The following PTPRD variants were observed in gnomAD, a reference collection of about 807,000 sequenced individuals.
PTPRD encodes the protein receptor-type tyrosine-protein phosphatase delta.
In PTPRD, 34 loss-of-function variants were observed where a neutral mutation model predicts 214.5. The observed-to-expected ratio is 0.16, with a 90% CI of 0.12 to 0.21. PTPRD has a LOEUF of 0.21. Ranked by LOEUF, PTPRD falls within the 10% of genes least tolerant of loss-of-function variation. The pLI, the probability that PTPRD is intolerant of heterozygous loss-of-function variation, is 1.00. For synonymous variants in PTPRD, 1,128 were observed against 845.7 expected (o/e 1.33, Z -5.79); for missense variants, 2,545 against 2,398.7 (o/e 1.06, Z -1.27).
At chr9:10,469,107 A>C (rs2099013631) in intron 2 of PTPRD, among the ~76,000 whole-genome samples, 1 of 152,156 alleles carries the variant, frequency 6.6e-6, no homozygotes, top group African/African-American at 2.4e-5. Context: ...GCCTTTATTC[A>C]AATAGTATAC....
At chr9:8,989,211 T>C (rs1012818582) in intron 11 of PTPRD, among the ~76,000 whole-genome samples, 5 of 152,240 alleles carry the variant, frequency 3.3e-5, no homozygotes, top group Non-Finnish European at 5.9e-5. Context: ...CTTTTCTTTA[T>C]GTTGGAATCA....
intron 3 of PTPRD, among the ~76,000 whole-genome samples, chr9:10,186,056 G>A (rs942381899): frequency 6.6e-6 from 1 of 151,426 alleles, no homozygotes; most frequent in African/African-American, 2.4e-5. Context: ...ATGCACAGTG[G>A]TAGAAGATAA....
At chr9:10,136,364 G>T (rs1028218887) in intron 3 of PTPRD, among the ~76,000 whole-genome samples, 1 of 151,888 alleles carries the variant, frequency 6.6e-6, no homozygotes, top group East Asian at 1.9e-4. Flanking sequence ...ACTTAAACTC[G>T]ACACTTGACG....
At chr9:10,124,573 T>C in intron 3 of PTPRD, among the ~76,000 whole-genome samples, 1 of 152,204 alleles carries the variant, frequency 6.6e-6, no homozygotes, top group East Asian at 1.9e-4. Flanking sequence ...CTTAGACCTC[T>C]TTCTTATCAA....
At chr9:8,734,593 GC>G (rs1247908764) in intron 11 of PTPRD, among the ~76,000 whole-genome samples, 1 of 152,186 alleles carries the variant, frequency 6.6e-6, no homozygotes, top group East Asian at 1.9e-4. Flanking sequence ...TGCCTCCTGG[GC>G]AAGGGTTTAA....
At chr9:9,741,181 A>G (rs2098396634) in intron 6 of PTPRD, among the ~76,000 whole-genome samples, 1 of 152,208 alleles carries the variant, frequency 6.6e-6, no homozygotes, top group Admixed American at 6.5e-5. Flanking sequence ...TTTTCTGGGT[A>G]CATAGTTCTG....
chr9:8,602,491 T>A (rs1323640605), intron 14 of PTPRD, among the ~76,000 whole-genome samples: 1 of 152,208 alleles, frequency 6.6e-6, no homozygotes, highest in Non-Finnish European at 1.5e-5. Flanking sequence ...CATGAGATGA[T>A]GAATTCCCTA....
chr9:10,006,674 A>G (rs533323256), intron 4 of PTPRD, among the ~76,000 whole-genome samples: 1 of 152,112 alleles, frequency 6.6e-6, no homozygotes, highest in East Asian at 1.9e-4. Context: ...ACGAATAATC[A>G]GAGCCAATAT....
chr9:9,156,595 T>C (rs2099881388), intron 10 of PTPRD, among the ~76,000 whole-genome samples: 1 of 152,164 alleles, frequency 6.6e-6, no homozygotes, highest in South Asian at 2.1e-4. Flanking sequence ...TATAAATATA[T>C]GGCTGAGGAG....
At chr9:9,474,551 T>C (rs2094881727) in intron 8 of PTPRD, among the ~76,000 whole-genome samples, 1 of 152,118 alleles carries the variant, frequency 6.6e-6, no homozygotes, top group Admixed American at 6.5e-5. Flanking sequence ...ATTTTAAAAA[T>C]ATTAATTCTT....
At chr9:9,601,790 T>C (rs2093789033) in intron 7 of PTPRD, among the ~76,000 whole-genome samples, 3 of 152,002 alleles carry the variant, frequency 2.0e-5, no homozygotes, top group Admixed American at 2.0e-4. Context: ...GAGCAGACCA[T>C]AAACACTAAA....
chr9:10,433,550 T>C (rs542865549), intron 2 of PTPRD, among the ~76,000 whole-genome samples: 1 of 152,142 alleles, frequency 6.6e-6, no homozygotes, highest in Middle Eastern at 3.4e-3. Context: ...TATGCTCTTA[T>C]GTCATCTGTC....
At position 8,941,362 on chromosome 9, in the gene PTPRD, A is replaced by G. The variant is rs75649471; in HGVS notation, c.-104+77335T>C. 2.6e-5 allele frequency among the ~76,000 whole-genome samples: 4 copies of G among 152,276 alleles called. No individual in the cohort carries two copies. The East Asian group carries it at 7.7e-4, about 29-fold the overall frequency. On this transcript the variant is annotated intron_variant, in intron 11 of 45. Transcript: ENST00000381196. Reference sequence around the variant, plus strand: ...TTACACACGTATGTGAAATACACATATACACTATATATAATTTTGAATTGT... The same window carrying G: ...TTACACACGTATGTGAAATACACATGTACACTATATATAATTTTGAATTGT...
intron 12 of PTPRD, among the ~76,000 whole-genome samples, chr9:8,649,240 C>T (rs2096756130): frequency 6.6e-6 from 1 of 152,170 alleles, no homozygotes; most frequent in South Asian, 2.1e-4. Context: ...AGTAGTAAAC[C>T]AGTTCCACAA....
At position 8,446,116 on chromosome 9, in the gene PTPRD, G is replaced by A. The variant is rs550085466; in HGVS notation, c.3988+3609C>T. 2.6e-5 allele frequency among the ~76,000 whole-genome samples: 4 copies of A among 152,262 alleles called. No individual in the cohort carries two copies. The South Asian group carries it at 8.3e-4, about 32-fold the overall frequency. ...GATGGTTATACTGACAAAAAAGCAG[G>A]TTTCTCTGTCTTTTCTTTGTGCCTT... On this transcript the variant is annotated intron_variant, in intron 34 of 45. Coordinates refer to ENST00000381196, the MANE Select transcript of PTPRD (RefSeq NM_002839.4).
chr9:10,165,475 G>A (rs1335217657), intron 3 of PTPRD, among the ~76,000 whole-genome samples: 1 of 151,738 alleles, frequency 6.6e-6, no homozygotes, highest in African/African-American at 2.4e-5. Context: ...GTCAAACGTA[G>A]AAAAAATATT....
At chr9:8,489,385 AGGAGGATCTCAGTCTGCTCTCTATT>A (rs1343333078) in intron 27 of PTPRD, among the ~76,000 whole-genome samples, 3 of 152,218 alleles carry the variant, frequency 2.0e-5, no homozygotes, top group Admixed American at 6.5e-5. Flanking sequence ...CCTGCTGTAC[AGGAGGATCTCAGTCTGCTCTCTATT>A]GCCAAACCCA....
chr9:9,980,236 C>T (rs1051536922), intron 4 of PTPRD, among the ~76,000 whole-genome samples: 1 of 151,828 alleles, frequency 6.6e-6, no homozygotes, highest in East Asian at 1.9e-4. Flanking sequence ...AATATTAAAA[C>T]CAATGAGTGA....
At position 8,414,844 on chromosome 9, in the gene PTPRD, G is replaced by A. The variant is rs556499797; in HGVS notation, c.4087-10184C>T. Among the ~76,000 whole-genome samples, 12 of 147,186 alleles carry A rather than the reference G, an allele frequency of 8.2e-5. No individual in the cohort carries two copies. The South Asian group carries it at 1.1e-3, about 14-fold the overall frequency. ...CCATCAGTCAGGCATGTACATGTACGGGGAGGGAAGGCGTGCAGGGGAGCA... is the reference window on the plus strand; with the variant it reads ...CCATCAGTCAGGCATGTACATGTACAGGGAGGGAAGGCGTGCAGGGGAGCA... On this transcript the variant is annotated intron_variant, in intron 35 of 45. Coordinates refer to ENST00000381196, the MANE Select transcript of PTPRD (RefSeq NM_002839.4).
Sources: allele counts gnomAD v4.1 joint callset (sites outside exome capture counted in the v4.1 genomes callset), GRCh38; gene constraint gnomAD v4.1.1; transcripts MANE v1.5; gene names NCBI Gene and HGNC (gene_info 2026-07-23, HGNC 2026-07-21).